PHF24: variants seen among roughly 807,000 people sequenced by gnomAD.
PHF24 encodes the protein Galpha inhibitory interacting protein.
Under a neutral mutation model 42.6 loss-of-function variants are expected in PHF24, and 25 were observed. The ratio of observed to expected loss-of-function variants is 0.59; its 90% CI spans 0.43 to 0.82. The LOEUF (loss-of-function observed/expected upper bound fraction) is 0.82. Ranked by LOEUF, PHF24 falls within the 40% of genes least tolerant of loss-of-function variation. The pLI is 0.00. For synonymous variants in PHF24, 185 were observed against 204.8 expected (o/e 0.90, Z 0.83); for missense variants, 470 against 538.1 (o/e 0.87, Z 1.25).
chr9:34,969,822 A>T (rs988658234), intron 1 of PHF24, among the ~76,000 whole-genome samples: 2 of 152,080 alleles, frequency 1.3e-5, no homozygotes, highest in Non-Finnish European at 2.9e-5. Flanking sequence ...CTGGACTATG[A>T]TATTAACAGT....
At chr9:34,936,008 T>G in the PHF24 span, among the ~76,000 whole-genome samples, 1 of 150,324 alleles carries the variant, frequency 6.7e-6, no homozygotes, top group East Asian at 1.9e-4. Flanking sequence ...AAAAAAAAAT[T>G]GAGTCTCCCT....
At chr9:34,853,551 G>A in the PHF24 span, among the ~76,000 whole-genome samples, 4 of 150,570 alleles carry the variant, frequency 2.7e-5, no homozygotes, top group East Asian at 4.0e-4. Context: ...CAGCTCGGCC[G>A]GGCGCGGTGG....
At chr9:34,704,072 A>G in the PHF24 span, among the ~76,000 whole-genome samples, 741 of 151,906 alleles carry the variant, frequency 4.9e-3, 5 homozygotes, top group African/African-American at 0.017. Context: ...TTGCTCCACT[A>G]TGATCAGCTA....
the PHF24 span, among the ~76,000 whole-genome samples, chr9:34,933,348 A>G: frequency 6.6e-6 from 1 of 152,220 alleles, no homozygotes; most frequent in Non-Finnish European, 1.5e-5. Context: ...TTTATTAAGT[A>G]AACAAGCTGG....
the PHF24 span, among the ~76,000 whole-genome samples, chr9:34,698,518 C>T: frequency 1.3e-5 from 2 of 152,206 alleles, no homozygotes; most frequent in Admixed American, 6.5e-5. Context: ...TTTTTTGGGA[C>T]GGAGTTTCAC....
the PHF24 span, among the ~76,000 whole-genome samples, chr9:34,714,860 C>T: frequency 6.6e-6 from 1 of 152,188 alleles, no homozygotes; most frequent in Non-Finnish European, 1.5e-5. Context: ...CTGCCTGTCT[C>T]CCTTACCCTT....
the PHF24 span, chr9:34,917,327 C>T: frequency 4.5e-3 from 4,035 of 896,818 alleles, 30 homozygotes; most frequent in South Asian, 0.022. Context: ...ACAGTGAGCC[C>T]AAGTGTGTGG....
At chr9:34,957,961 C>T (rs1197451405), upstream of PHF24, among the ~76,000 whole-genome samples, 1 of 151,482 alleles carries the variant, frequency 6.6e-6, no homozygotes, top group Admixed American at 6.6e-5. Flanking sequence ...CCCCGCGCCG[C>T]AGTGCCGGGC....
At chr9:34,894,024 T>C in the PHF24 span, among the ~76,000 whole-genome samples, 1 of 152,146 alleles carries the variant, frequency 6.6e-6, no homozygotes, top group Non-Finnish European at 1.5e-5. Flanking sequence ...GTCTCCCTAA[T>C]GACAGAGCCA....
At chr9:34,789,476 G>A in the PHF24 span, among the ~76,000 whole-genome samples, 1 of 152,192 alleles carries the variant, frequency 6.6e-6, no homozygotes, top group Non-Finnish European at 1.5e-5. Context: ...AAGCAATAGA[G>A]GGAGGAGCTA....
At chr9:34,882,662 T>C in the PHF24 span, among the ~76,000 whole-genome samples, 2 of 152,144 alleles carry the variant, frequency 1.3e-5, 1 homozygote. Flanking sequence ...ATAAGAGATG[T>C]GAAGGACCTC....
At chr9:34,737,981 C>T in the PHF24 span, among the ~76,000 whole-genome samples, 3 of 149,284 alleles carry the variant, frequency 2.0e-5, no homozygotes, top group East Asian at 2.0e-4. Flanking sequence ...CCTCAGGATA[C>T]GTGCCCTTGA....
At chr9:34,951,175 T>G in the PHF24 span, among the ~76,000 whole-genome samples, 1 of 152,208 alleles carries the variant, frequency 6.6e-6, no homozygotes, top group South Asian at 2.1e-4. Context: ...AGCTGGGTGC[T>G]ATGTTTAGGG....
chr9:34,728,171 T>C, the PHF24 span: 1 of 1,208,364 alleles, frequency 8.3e-7, no homozygotes, highest in Admixed American at 2.5e-5. Context: ...TTGACTCTCA[T>C]CAAGAAAAGA....
chr9:34,678,931 C>T, the PHF24 span, among the ~76,000 whole-genome samples: 17 of 152,050 alleles, frequency 1.1e-4, 1 homozygote, highest in Non-Finnish European at 2.1e-4. Flanking sequence ...CACCCGGCCC[C>T]TTTAGATATG....
the PHF24 span, chr9:34,832,364 G>C: frequency 1.2e-6 from 1 of 818,054 alleles, no homozygotes; most frequent in Non-Finnish European, 2.0e-6. Context: ...GGTGGGGGTG[G>C]CCTGGGGTTG....
the PHF24 span, among the ~76,000 whole-genome samples, chr9:34,758,161 C>G: frequency 6.6e-6 from 1 of 152,110 alleles, no homozygotes; most frequent in East Asian, 1.9e-4. This position sits in a 1 kb window ranked among gnomAD's most constrained non-coding sequence, Gnocchi z 4.4. Context: ...GGCTGCTCAG[C>G]TGGCCTGGGT....
the PHF24 span, among the ~76,000 whole-genome samples, chr9:34,773,007 T>C: frequency 1.3e-5 from 2 of 151,716 alleles, no homozygotes; most frequent in Non-Finnish European, 2.9e-5. Context: ...TTTTTTTTTT[T>C]GAGATGGAAT....
chr9:34,690,795 T>C, the PHF24 span, among the ~76,000 whole-genome samples: 1 of 151,918 alleles, frequency 6.6e-6, no homozygotes, highest in African/African-American at 2.4e-5. Flanking sequence ...CTTAAGCAAA[T>C]CTCCTTCTGC....
Sources: allele counts gnomAD v4.1 joint callset (sites outside exome capture counted in the v4.1 genomes callset), GRCh38; gene constraint gnomAD v4.1.1; non-coding constraint Gnocchi (gnomAD v3.1); transcripts MANE v1.5; gene names NCBI Gene and HGNC (gene_info 2026-07-23, HGNC 2026-07-21).